Variants in HS3ST3B1 observed in about 807,000 individuals in gnomAD.
The protein encoded by HS3ST3B1 is heparan sulfate-glucosamine 3-sulfotransferase 3B1, also known as heparan sulfate glucosamine 3-O-sulfotransferase 3B1.
Under a neutral mutation model 21.3 loss-of-function variants are expected in HS3ST3B1, and 13 were observed. The ratio of observed to expected loss-of-function variants is 0.61; its 90% CI spans 0.40 to 0.97. The LOEUF is 0.97. HS3ST3B1 is among the 50% of genes least tolerant of loss of function. HS3ST3B1 has a pLI of 0.00. For synonymous variants in HS3ST3B1, 234 were observed against 254.8 expected, an observed-to-expected ratio of 0.92 and a Z score of 0.78; for missense variants, 459 against 554.8, an observed-to-expected ratio of 0.83 and a Z score of 1.73.
At chr17:14,307,937 A>G (rs1227881889) in intron 1 of HS3ST3B1, among the ~76,000 whole-genome samples, 1 of 152,222 alleles carries the variant, frequency 6.6e-6, no homozygotes, top group South Asian at 2.1e-4. Context: ...CAGCAAAATG[A>G]GTCCCCCAAG....
At chr17:14,317,285 C>T (rs1180449552) in intron 1 of HS3ST3B1, among the ~76,000 whole-genome samples, 1 of 152,198 alleles carries the variant, frequency 6.6e-6, no homozygotes, top group Non-Finnish European at 1.5e-5. Flanking sequence ...CTAGATGGCA[C>T]TACTAGTGGA....
intron 1 of HS3ST3B1, among the ~76,000 whole-genome samples, chr17:14,326,024 TGTGTGTGTGTGCACGCACGTGTGTGC>T (rs1189114702): frequency 6.6e-6 from 1 of 151,658 alleles, no homozygotes; most frequent in Admixed American, 6.6e-5. Flanking sequence ...TGTGTGTACG[TGTGTGTGTGTGCACGCACGTGTGTGC>T]GTGTGTGTGT....
intron 1 of HS3ST3B1, among the ~76,000 whole-genome samples, chr17:14,331,702 C>A (rs1343378342): frequency 6.6e-6 from 1 of 152,152 alleles, no homozygotes; most frequent in African/African-American, 2.4e-5. Flanking sequence ...GATCCTGCTG[C>A]GAAACCTGAA....
In HS3ST3B1 at chr17:14,345,529, C is replaced by G. The variant is rs370636353; in HGVS notation, c.1056C>G (p.Thr352=). Residue 352 remains threonine (T), a synonymous_variant, in exon 2 of 2, where the codon ACC becomes ACG. Transcript: ENST00000360954. ...GSSRPHCLGK[T]KGRTHPEIDR... The stretch of plus-strand genomic sequence containing the variant: ...GCCGGCCCCATTGCCTGGGCAAGAC[C>G]AAGGGCAGGACCCATCCTGAGATCG... 1 of 1,602,544 alleles carries G rather than the reference C, an allele frequency of 6.2e-7. No homozygotes were observed. Among genetic ancestry groups the G allele is most frequent in the Non-Finnish European group, 8.5e-7 (1 of 1,173,456 alleles).
intron 1 of HS3ST3B1, among the ~76,000 whole-genome samples, chr17:14,311,165 C>T (rs1478970238): frequency 6.6e-6 from 1 of 150,384 alleles, no homozygotes; most frequent in African/African-American, 2.4e-5. Context: ...ACCTCCTGGG[C>T]TCAAGCGATC....
At chr17:14,333,294 C>T (rs1295706422) in intron 1 of HS3ST3B1, among the ~76,000 whole-genome samples, 2 of 151,846 alleles carry the variant, frequency 1.3e-5, no homozygotes, top group East Asian at 1.9e-4. Context: ...GGTGAAACCC[C>T]GTCTCCACTA....
At chr17:14,320,145 G>A (rs1433773132) in intron 1 of HS3ST3B1, among the ~76,000 whole-genome samples, 1 of 152,172 alleles carries the variant, frequency 6.6e-6, no homozygotes, top group Non-Finnish European at 1.5e-5. Context: ...GAGACAGACT[G>A]TAGAGCATGA....
At position 14,346,266 on chromosome 17, in the gene HS3ST3B1, T is replaced by A. The variant is rs1910574204; in HGVS notation, c.*620T>A. 6.9e-6 allele frequency: 1 copy of A among 145,662 alleles called. No homozygotes were observed. The highest frequency in any genetic ancestry group is 2.5e-5 in the African/African-American group (1 of 39,464). The allele number at this position is 145,662 out of a possible 1,614,324, so 9.0% of individuals were successfully genotyped here. Reference sequence around the variant, plus strand: ...TTTTTTCTTTTTTTTTTTTTTTTTTTTTTGAGATGGAGTCTTGCTCTTGTT... The same window carrying A: ...TTTTTTCTTTTTTTTTTTTTTTTTTATTTGAGATGGAGTCTTGCTCTTGTT... On this transcript the variant is annotated 3_prime_UTR_variant, in exon 2 of 2. Coordinates refer to ENST00000360954, the MANE Select transcript of HS3ST3B1 (RefSeq NM_006041.3).
At chr17:14,312,122 C>T (rs987846310) in intron 1 of HS3ST3B1, among the ~76,000 whole-genome samples, 1 of 151,942 alleles carries the variant, frequency 6.6e-6, no homozygotes, top group Admixed American at 6.6e-5. Context: ...ATGTCTTAGC[C>T]TCCGTATGCA....
At chr17:14,320,267 G>A (rs1179709296) in intron 1 of HS3ST3B1, among the ~76,000 whole-genome samples, 1 of 152,158 alleles carries the variant, frequency 6.6e-6, no homozygotes, top group Non-Finnish European at 1.5e-5. Context: ...ATCTAGGCGG[G>A]ATGGGGCGCT....
chr17:14,333,584 C>T (rs1054673373), intron 1 of HS3ST3B1, among the ~76,000 whole-genome samples: 24 of 151,894 alleles, frequency 1.6e-4, no homozygotes, highest in African/African-American at 4.8e-4. Flanking sequence ...GGATTTATAG[C>T]CAAGGTGCTG....
chr17:14,332,319 G>A (rs1207829154), intron 1 of HS3ST3B1, among the ~76,000 whole-genome samples: 1 of 152,008 alleles, frequency 6.6e-6, no homozygotes, highest in East Asian at 1.9e-4. Flanking sequence ...ATGACCTTGC[G>A]GCCTACTCTT....
chr17:14,330,550 G>GGTGTGTGTGTGTGTGT lies in HS3ST3B1; in HGVS notation c.555-14459_555-14444dup, dbSNP rs60767866. On this transcript the variant is annotated intron_variant, in intron 1 of 1. Coordinates refer to ENST00000360954, the MANE Select transcript of HS3ST3B1 (RefSeq NM_006041.3). ...TGTCCTGTTTCTCTCCTGGTTTCCC[G>GGTGTGTGTGTGTGTGT]GTGTGTGTGTGTGTGTGTGTGTGTG... 7.6e-3 allele frequency among the ~76,000 whole-genome samples: 1,096 copies of GGTGTGTGTGTGTGTGT among 144,142 alleles called. 10 individuals are homozygous for GGTGTGTGTGTGTGTGT. Among genetic ancestry groups the GGTGTGTGTGTGTGTGT allele is most frequent in the African/African-American group, 0.021 (804 of 38,738 alleles). The allele number at this position is 144,142 out of a possible 152,430, so 94.6% of individuals were successfully genotyped here.
chr17:14,343,622 A>C (rs991145259), intron 1 of HS3ST3B1, among the ~76,000 whole-genome samples: 3 of 152,208 alleles, frequency 2.0e-5, no homozygotes, highest in African/African-American at 7.2e-5. Flanking sequence ...TTCGCTTAGC[A>C]TAATGTCTTC....
intron 1 of HS3ST3B1, among the ~76,000 whole-genome samples, chr17:14,333,382 G>T (rs531320465): frequency 2.6e-5 from 4 of 151,658 alleles, no homozygotes; most frequent in East Asian, 3.9e-4. Context: ...CAGGAGAATC[G>T]CTTGAACCCG....
chr17:14,314,628 G>A (rs547453097), intron 1 of HS3ST3B1, among the ~76,000 whole-genome samples: 10 of 152,296 alleles, frequency 6.6e-5, no homozygotes, highest in Admixed American at 6.5e-5. Flanking sequence ...TACAAATCCA[G>A]ATTTCCTGCT....
At chr17:14,322,125 G>A (rs1909678661) in intron 1 of HS3ST3B1, among the ~76,000 whole-genome samples, 2 of 151,818 alleles carry the variant, frequency 1.3e-5, no homozygotes, top group South Asian at 4.2e-4. Context: ...TCTTTAGAAA[G>A]GGGGTGAGTA....
At chr17:14,333,656 G>T (rs1910093433) in intron 1 of HS3ST3B1, among the ~76,000 whole-genome samples, 3 of 151,932 alleles carry the variant, frequency 2.0e-5, no homozygotes, top group Non-Finnish European at 2.9e-5. Flanking sequence ...CAGGGGGTGA[G>T]AGGTTATCAG....
chr17:14,329,563 G>GAAGAAAAGAA (rs57412383), intron 1 of HS3ST3B1: 4 of 151,748 alleles, frequency 2.6e-5, no homozygotes, highest in African/African-American at 9.7e-5. Context: ...GGAAAGAAAA[G>GAAGAAAAGAA]AAGAAAAGAA....
Sources: gnomAD v4.1 joint callset for allele counts (sites outside exome capture counted in the v4.1 genomes callset) on GRCh38, gnomAD v4.1.1 for gene constraint, MANE v1.5 for transcripts, NCBI Gene and HGNC (gene_info 2026-07-23, HGNC 2026-07-21) for gene names.